Variants in SLC24A2 observed in about 807,000 individuals in gnomAD.
SLC24A2 encodes sodium/potassium/calcium exchanger 2.
In SLC24A2, 36 loss-of-function variants were observed where a neutral mutation model predicts 62.0. The observed-to-expected ratio is 0.58, with a 90% CI of 0.44 to 0.77. The LOEUF (loss-of-function observed/expected upper bound fraction) is 0.77. Among genes scored for constraint, SLC24A2 ranks in the 30% least tolerant of loss-of-function variants. The pLI, the probability that SLC24A2 is intolerant of heterozygous loss-of-function variation, is 0.00. For synonymous variants in SLC24A2, 358 were observed against 294.0 expected, an observed-to-expected ratio of 1.22 and a Z score of -2.23; for missense variants, 846 against 817.9, an observed-to-expected ratio of 1.03 and a Z score of -0.42.
At chr9:19,877,388 T>A in the SLC24A2 span, among the ~76,000 whole-genome samples, 1 of 141,146 alleles carries the variant, frequency 7.1e-6, no homozygotes, top group African/African-American at 2.6e-5. Context: ...GCTCCATAGT[T>A]TAGCCTACAG....
At chr9:19,838,740 C>T in the SLC24A2 span, among the ~76,000 whole-genome samples, 2 of 150,042 alleles carry the variant, frequency 1.3e-5, no homozygotes, top group African/African-American at 4.9e-5. Context: ...TTTTTAATGC[C>T]ATTGTAAATA....
intron 8 of SLC24A2, among the ~76,000 whole-genome samples, chr9:19,546,728 G>C (rs1296504092): frequency 1.3e-5 from 2 of 149,130 alleles, no homozygotes; most frequent in Admixed American, 1.3e-4. Flanking sequence ...GCACCACTGA[G>C]GTATGGGAAA....
At chr9:20,044,432 C>T in the SLC24A2 span, among the ~76,000 whole-genome samples, 6 of 152,202 alleles carry the variant, frequency 3.9e-5, no homozygotes, top group Admixed American at 2.6e-4. Flanking sequence ...CCACCATGAA[C>T]GCATGGGGAG....
At chr9:20,266,071 C>G in the SLC24A2 span, among the ~76,000 whole-genome samples, 4 of 152,194 alleles carry the variant, frequency 2.6e-5, no homozygotes, top group East Asian at 5.8e-4. Flanking sequence ...CCCGAAACTT[C>G]ATTAGCAATT....
chr9:19,975,223 C>G, the SLC24A2 span, among the ~76,000 whole-genome samples: 1 of 152,144 alleles, frequency 6.6e-6, no homozygotes, highest in Non-Finnish European at 1.5e-5. Flanking sequence ...TTTGGGCTCC[C>G]TTACTTCCTG....
the SLC24A2 span, among the ~76,000 whole-genome samples, chr9:19,874,938 T>A: frequency 6.7e-6 from 1 of 148,856 alleles, no homozygotes; most frequent in Non-Finnish European, 1.5e-5. Flanking sequence ...ACTTCTAGCT[T>A]CAGAGAGTTA....
chr9:20,181,359 A>G, the SLC24A2 span, among the ~76,000 whole-genome samples: 2 of 152,152 alleles, frequency 1.3e-5, no homozygotes, highest in African/African-American at 4.8e-5. Flanking sequence ...GGAAACATAA[A>G]GAAGCGTGGT....
chr9:19,527,656 G>C (rs1249621946), intron 9 of SLC24A2, among the ~76,000 whole-genome samples: 2 of 152,178 alleles, frequency 1.3e-5, no homozygotes, highest in African/African-American at 4.8e-5. Flanking sequence ...TTTGTCTCCA[G>C]ATGCTTTCCT....
the SLC24A2 span, among the ~76,000 whole-genome samples, chr9:20,150,674 C>CA: frequency 1.4e-5 from 2 of 146,240 alleles, no homozygotes; most frequent in Non-Finnish European, 3.0e-5. Flanking sequence ...GTCAAAATAA[C>CA]AAAAAATCCC....
chr9:20,127,555 G>A, the SLC24A2 span, among the ~76,000 whole-genome samples: 1 of 152,054 alleles, frequency 6.6e-6, no homozygotes, highest in Admixed American at 6.6e-5. Flanking sequence ...TCCAGGGATG[G>A]GACCTCTCTG....
chr9:19,831,268 G>A, the SLC24A2 span, among the ~76,000 whole-genome samples: 4 of 152,196 alleles, frequency 2.6e-5, no homozygotes, highest in African/African-American at 9.7e-5. Flanking sequence ...AGTACCTTAT[G>A]CATTGTAGTC....
At chr9:20,032,001 T>C in the SLC24A2 span, among the ~76,000 whole-genome samples, 1 of 152,224 alleles carries the variant, frequency 6.6e-6, no homozygotes, top group Non-Finnish European at 1.5e-5. Context: ...TCAGATCTTA[T>C]GAGTCAGTGT....
At chr9:19,882,958 G>C in the SLC24A2 span, among the ~76,000 whole-genome samples, 1 of 152,192 alleles carries the variant, frequency 6.6e-6, no homozygotes, top group African/African-American at 2.4e-5. Context: ...TGCACTGTAA[G>C]AGAATCTGAC....
the SLC24A2 span, among the ~76,000 whole-genome samples, chr9:19,914,672 C>T: frequency 9.9e-5 from 15 of 152,152 alleles, no homozygotes; most frequent in African/African-American, 3.1e-4. Flanking sequence ...CAAGAGATTA[C>T]GATAATAATC....
chr9:20,185,823 G>A, the SLC24A2 span, among the ~76,000 whole-genome samples: 6 of 152,258 alleles, frequency 3.9e-5, no homozygotes, highest in Non-Finnish European at 7.4e-5. Context: ...AGGGAAGGGG[G>A]TAAAAAGCTA....
intron 2 of SLC24A2, among the ~76,000 whole-genome samples, chr9:19,643,762 C>T (rs1320038225): frequency 2.0e-5 from 3 of 152,224 alleles, no homozygotes; most frequent in African/African-American, 7.2e-5. Flanking sequence ...TTGCTTAGGA[C>T]AGCAGTTGTC....
At chr9:19,872,539 C>T in the SLC24A2 span, among the ~76,000 whole-genome samples, 1 of 152,122 alleles carries the variant, frequency 6.6e-6, no homozygotes, top group African/African-American at 2.4e-5. Context: ...TCACTGTACC[C>T]ACCTTGTCTC....
chr9:19,534,597 A>G (rs1833867789), intron 8 of SLC24A2, among the ~76,000 whole-genome samples: 3 of 152,028 alleles, frequency 2.0e-5, no homozygotes, highest in Admixed American at 2.0e-4. Flanking sequence ...TATGAGTGAA[A>G]AAAATGCGGT....
chr9:19,833,373 C>T, the SLC24A2 span, among the ~76,000 whole-genome samples: 2 of 152,146 alleles, frequency 1.3e-5, no homozygotes, highest in Admixed American at 6.5e-5. Flanking sequence ...GGGTCACTCC[C>T]ACCCTAATAC....
Sources: allele counts gnomAD v4.1 joint callset (sites outside exome capture counted in the v4.1 genomes callset), GRCh38; gene constraint gnomAD v4.1.1; transcripts MANE v1.5; gene names NCBI Gene and HGNC (gene_info 2026-07-23, HGNC 2026-07-21).